ENTREP2: variants seen among roughly 807,000 people sequenced by gnomAD.
ENTREP2 encodes endosomal transmembrane epsin interactor 2.
chr15:29,426,753 C>T, the ENTREP2 span, among the ~76,000 whole-genome samples: 1 of 152,180 alleles, frequency 6.6e-6, no homozygotes, highest in East Asian at 1.9e-4. Context: ...AGTTTTATTC[C>T]ATTTCTCTGT....
the ENTREP2 span, chr15:29,117,939 C>T: frequency 6.6e-6 from 1 of 152,060 alleles, no homozygotes; most frequent in African/African-American, 2.4e-5. Context: ...TACACACATC[C>T]ACGCACATGC....
chr15:29,487,106 A>G, the ENTREP2 span, among the ~76,000 whole-genome samples: 1 of 152,270 alleles, frequency 6.6e-6, no homozygotes, highest in Non-Finnish European at 1.5e-5. Flanking sequence ...CGATCATTAC[A>G]CATTGTATAC....
the ENTREP2 span, among the ~76,000 whole-genome samples, chr15:29,156,415 T>A: frequency 1.6e-4 from 24 of 152,124 alleles, no homozygotes; most frequent in African/African-American, 5.3e-4. Flanking sequence ...CTCGAACTCC[T>A]GACCTCAGGT....
At chr15:29,624,752 C>T in the ENTREP2 span, among the ~76,000 whole-genome samples, 1 of 152,136 alleles carries the variant, frequency 6.6e-6, no homozygotes, top group African/African-American at 2.4e-5. Context: ...CTTACTTCCT[C>T]CAGTGGTGAC....
the ENTREP2 span, among the ~76,000 whole-genome samples, chr15:29,498,640 GT>G: frequency 6.6e-6 from 1 of 152,088 alleles, no homozygotes; most frequent in Non-Finnish European, 1.5e-5. Flanking sequence ...TGAATAGAAT[GT>G]TCTGTATTTC....
chr15:29,300,381 GGATA>G, the ENTREP2 span, among the ~76,000 whole-genome samples: 736 of 136,874 alleles, frequency 5.4e-3, 8 homozygotes, highest in Non-Finnish European at 8.2e-3. Flanking sequence ...ATGGATGGAT[GGATA>G]GATAGATGGA....
chr15:29,119,819 A>G, the ENTREP2 span, among the ~76,000 whole-genome samples: 1 of 152,234 alleles, frequency 6.6e-6, no homozygotes, highest in African/African-American at 2.4e-5. Context: ...GATTCCACTC[A>G]GGAGGCCAAG....
the ENTREP2 span, among the ~76,000 whole-genome samples, chr15:29,518,501 C>T: frequency 5.9e-5 from 9 of 152,062 alleles, no homozygotes; most frequent in East Asian, 1.9e-4. Context: ...GAAAAGGAGG[C>T]GTGCCATGGA....
At chr15:29,595,558 C>T in the ENTREP2 span, among the ~76,000 whole-genome samples, 1 of 152,148 alleles carries the variant, frequency 6.6e-6, no homozygotes, top group African/African-American at 2.4e-5. Context: ...TACAGCTCCT[C>T]GTGGTGTGTC....
the ENTREP2 span, among the ~76,000 whole-genome samples, chr15:29,514,938 G>A: frequency 6.6e-6 from 1 of 151,962 alleles, no homozygotes; most frequent in African/African-American, 2.4e-5. Context: ...AGGATAGACA[G>A]GACAATGTCA....
the ENTREP2 span, among the ~76,000 whole-genome samples, chr15:29,134,659 G>C: frequency 1.3e-5 from 2 of 152,200 alleles, no homozygotes; most frequent in Non-Finnish European, 1.5e-5. Flanking sequence ...TGCCTGCAAC[G>C]GTGACCAGTC....
the ENTREP2 span, among the ~76,000 whole-genome samples, chr15:29,588,439 G>T: frequency 6.6e-6 from 1 of 151,492 alleles, no homozygotes; most frequent in Non-Finnish European, 1.5e-5. Context: ...CTGTATTCCA[G>T]CCTGGGCAGC....
chr15:29,505,799 G>A, the ENTREP2 span, among the ~76,000 whole-genome samples: 4 of 152,302 alleles, frequency 2.6e-5, no homozygotes, highest in South Asian at 8.3e-4. The surrounding 1 kb of genome is among the most constrained non-coding windows in gnomAD (Gnocchi z 4.3). Context: ...CCATGAAGAT[G>A]CAGAAAAACC....
the ENTREP2 span, among the ~76,000 whole-genome samples, chr15:29,328,660 A>G: frequency 1.3e-5 from 2 of 152,202 alleles, no homozygotes; most frequent in Admixed American, 1.3e-4. Context: ...TTCTGATACC[A>G]CTACTCACGT....
the ENTREP2 span, among the ~76,000 whole-genome samples, chr15:29,400,857 G>A: frequency 2.0e-5 from 3 of 152,226 alleles, no homozygotes; most frequent in Admixed American, 1.3e-4. Context: ...TGAGGTCGGA[G>A]GCTCCTGCAG....
the ENTREP2 span, among the ~76,000 whole-genome samples, chr15:29,277,565 T>C: frequency 2.0e-5 from 3 of 152,250 alleles, no homozygotes; most frequent in East Asian, 1.9e-4. Context: ...CACATCCCTA[T>C]GAGAATCTAA....
the ENTREP2 span, among the ~76,000 whole-genome samples, chr15:29,155,155 G>A: frequency 2.0e-5 from 3 of 152,092 alleles, no homozygotes. Flanking sequence ...GGTGGCCGGC[G>A]CCTGTAGTCC....
chr15:29,603,967 C>T, the ENTREP2 span, among the ~76,000 whole-genome samples: 2 of 152,018 alleles, frequency 1.3e-5, no homozygotes, highest in East Asian at 1.9e-4. Context: ...TTGAAGGACA[C>T]ATTTGACAAC....
chr15:29,654,853 G>C, the ENTREP2 span, among the ~76,000 whole-genome samples: 1 of 152,122 alleles, frequency 6.6e-6, no homozygotes, highest in Non-Finnish European at 1.5e-5. Flanking sequence ...GGATCAATGA[G>C]AGTTCCTTAC....
Sources: allele counts gnomAD v4.1 joint callset (sites outside exome capture counted in the v4.1 genomes callset), GRCh38; gene constraint gnomAD v4.1.1; non-coding constraint Gnocchi (gnomAD v3.1); transcripts MANE v1.5; gene names NCBI Gene and HGNC (gene_info 2026-07-23, HGNC 2026-07-21).